Variants in ENTREP2 observed in about 807,000 individuals in gnomAD.
ENTREP2 encodes the protein protein ENTREP2.
the ENTREP2 span, among the ~76,000 whole-genome samples, chr15:29,625,603 C>T: frequency 6.6e-6 from 1 of 152,066 alleles, no homozygotes; most frequent in African/African-American, 2.4e-5. Context: ...ACCATGTCGG[C>T]CAGGCTGGTC....
At chr15:29,538,569 C>CA in the ENTREP2 span, among the ~76,000 whole-genome samples, 2 of 143,222 alleles carry the variant, frequency 1.4e-5, no homozygotes, top group Non-Finnish European at 3.0e-5. Context: ...CTGAGGCGGG[C>CA]AGATCACAAG....
At chr15:29,220,893 G>A in the ENTREP2 span, among the ~76,000 whole-genome samples, 9 of 150,914 alleles carry the variant, frequency 6.0e-5, no homozygotes, top group East Asian at 3.9e-4. Context: ...GTCATATTCC[G>A]TTTGCTAATT....
chr15:29,370,455 T>G, the ENTREP2 span, among the ~76,000 whole-genome samples: 12 of 152,270 alleles, frequency 7.9e-5, no homozygotes, highest in African/African-American at 2.6e-4. Context: ...ATAACAATTG[T>G]GCCAGAGTAG....
chr15:29,279,591 T>G, the ENTREP2 span, among the ~76,000 whole-genome samples: 1 of 151,996 alleles, frequency 6.6e-6, no homozygotes, highest in Non-Finnish European at 1.5e-5. Context: ...TCTTGATCTC[T>G]TGACCTCGTG....
the ENTREP2 span, among the ~76,000 whole-genome samples, chr15:29,340,602 A>G: frequency 5.9e-5 from 9 of 152,202 alleles, no homozygotes; most frequent in Non-Finnish European, 1.0e-4. Flanking sequence ...AATGCTAAGC[A>G]TATGTGAAAC....
the ENTREP2 span, among the ~76,000 whole-genome samples, chr15:29,661,832 C>T: frequency 0.038 from 5,828 of 152,228 alleles, 145 homozygotes; most frequent in South Asian, 0.063. Context: ...TCAATACAAA[C>T]GTAGTCAGTG....
At chr15:29,606,544 T>A in the ENTREP2 span, among the ~76,000 whole-genome samples, 140 of 152,136 alleles carry the variant, frequency 9.2e-4, 1 homozygote, top group South Asian at 0.028. Context: ...TAAGGGTCAG[T>A]TTTTCTGGGT....
the ENTREP2 span, among the ~76,000 whole-genome samples, chr15:29,485,777 A>G: frequency 6.6e-6 from 1 of 152,212 alleles, no homozygotes; most frequent in South Asian, 2.1e-4. Context: ...TCCATCACCA[A>G]TCATCAGGGA....
chr15:29,674,331 G>A, the ENTREP2 span, among the ~76,000 whole-genome samples: 10 of 152,090 alleles, frequency 6.6e-5, no homozygotes, highest in South Asian at 2.1e-4. Flanking sequence ...GTGCAGTGGC[G>A]CAATCTCAGC....
At chr15:29,664,646 G>A in the ENTREP2 span, among the ~76,000 whole-genome samples, 2 of 152,064 alleles carry the variant, frequency 1.3e-5, no homozygotes, top group Non-Finnish European at 1.5e-5. Flanking sequence ...TGGACTGTGG[G>A]ACCTGGGCAG....
the ENTREP2 span, among the ~76,000 whole-genome samples, chr15:29,416,408 A>G: frequency 2.0e-4 from 31 of 152,246 alleles, no homozygotes; most frequent in Non-Finnish European, 3.8e-4. Flanking sequence ...AGGATTCCCT[A>G]TTTAATAAAT....
At chr15:29,471,635 G>A in the ENTREP2 span, among the ~76,000 whole-genome samples, 110 of 152,254 alleles carry the variant, frequency 7.2e-4, no homozygotes, top group African/African-American at 2.5e-3. Context: ...CAGCACGGGG[G>A]CCAAGGGCCA....
the ENTREP2 span, among the ~76,000 whole-genome samples, chr15:29,356,901 A>T: frequency 3.3e-5 from 5 of 152,206 alleles, no homozygotes; most frequent in Non-Finnish European, 5.9e-5. Flanking sequence ...TCTCCATGGT[A>T]GAGCAAAGGG....
the ENTREP2 span, among the ~76,000 whole-genome samples, chr15:29,655,331 C>A: frequency 5.3e-5 from 8 of 152,188 alleles, no homozygotes; most frequent in Non-Finnish European, 1.0e-4. Context: ...CACTTAGAGT[C>A]ACCATAGCAA....
At chr15:29,132,732 C>T in the ENTREP2 span, among the ~76,000 whole-genome samples, 1 of 152,224 alleles carries the variant, frequency 6.6e-6, no homozygotes, top group Admixed American at 6.5e-5. Flanking sequence ...CTTCCGGGGG[C>T]CGCTGTGAGG....
At chr15:29,613,092 A>G in the ENTREP2 span, among the ~76,000 whole-genome samples, 2 of 152,130 alleles carry the variant, frequency 1.3e-5, no homozygotes, top group African/African-American at 4.8e-5. Flanking sequence ...ATGCCCAAGG[A>G]CTTTGCAGAC....
At chr15:29,351,119 C>T in the ENTREP2 span, among the ~76,000 whole-genome samples, 1 of 152,158 alleles carries the variant, frequency 6.6e-6, no homozygotes, top group African/African-American at 2.4e-5. Flanking sequence ...AGTGCACTCG[C>T]ACTAACCTAG....
chr15:29,179,488 A>G, the ENTREP2 span, among the ~76,000 whole-genome samples: 1 of 152,182 alleles, frequency 6.6e-6, no homozygotes, highest in African/African-American at 2.4e-5. Context: ...TGGAATTGCC[A>G]GGAGCTAAAG....
the ENTREP2 span, among the ~76,000 whole-genome samples, chr15:29,219,061 T>C: frequency 1.3e-5 from 2 of 151,600 alleles, no homozygotes; most frequent in South Asian, 2.1e-4. Context: ...TCTATACATC[T>C]GACAAAGAAC....
Sources: allele counts gnomAD v4.1 joint callset (sites outside exome capture counted in the v4.1 genomes callset), GRCh38; gene constraint gnomAD v4.1.1; transcripts MANE v1.5; gene names NCBI Gene and HGNC (gene_info 2026-07-23, HGNC 2026-07-21).